MUC5B: variants seen among roughly 807,000 people sequenced by gnomAD.
MUC5B encodes mucin 5B, oligomeric mucus/gel-forming.
MUC5B carries 116 observed loss-of-function variants against 376.9 expected under a neutral mutation model. The ratio of observed to expected loss-of-function variants is 0.31; its 90% confidence interval spans 0.26 to 0.36. The LOEUF is 0.36. Among genes scored for constraint, MUC5B ranks in the 10% least tolerant of loss-of-function variants. The probability of loss-of-function intolerance (pLI) is 1.00; values close to 1 mark genes in which losing one functional copy is unlikely to be tolerated. For missense variants in MUC5B, 7,165 were observed against 7,769.9 expected, an observed-to-expected ratio of 0.92 and a Z score of 2.93; for synonymous variants, 3,517 against 3,390.9, an observed-to-expected ratio of 1.04 and a Z score of -1.29.
At chr11:1,226,573 G>T (rs780418910) in intron 3 of MUC5B, 42 bp from the exon 4 acceptor site, 2 of 1,579,816 alleles carry the variant, frequency 1.3e-6, no homozygotes, top group Admixed American at 1.8e-5. Flanking sequence ...TACCCCGTGG[G>T]GGGCTGGCAT....
At chr11:1,228,252 G>A (rs920827218) in intron 7 of MUC5B, among the ~76,000 whole-genome samples, 2 of 152,224 alleles carry the variant, frequency 1.3e-5, no homozygotes, top group Non-Finnish European at 2.9e-5. Flanking sequence ...GAACCTGCCG[G>A]GCTGCCCAGA....
chr11:1,223,375 G>A (rs765540396), intron 1 of MUC5B, 182 bp downstream of exon 1: 1 of 687,400 alleles, frequency 1.5e-6, no homozygotes, highest in South Asian at 1.5e-5. Context: ...CGGGCTCACA[G>A]TGTCAGGAAA....
In MUC5B at chr11:1,256,765, G is replaced by A; in HGVS notation, c.16231G>A (p.Ala5411Thr). 6.6e-7 allele frequency: 1 copy of A among 1,523,638 alleles called. No homozygotes were observed. The highest frequency in any genetic ancestry group is 8.8e-7 in the Non-Finnish European group (1 of 1,137,850). The allele number at this position is 1,523,638 out of a possible 1,614,324, so 94.4% of individuals were successfully genotyped here. A position where few individuals can be genotyped will look rare whatever the true frequency, so the allele number is the denominator to read the frequency against. The change falls in exon 39 of 49, where the codon GCC becomes ACC. Residue 5411 changes from alanine to threonine, a missense_variant. By Grantham distance (58) the Ala-to-Thr change is moderately conservative. Around this residue, in one of 31 missense-constraint regions of MUC5B, gnomAD observed 842 missense variants for 1,016.9 expected, o/e 0.83. Coordinates refer to ENST00000529681, the MANE Select transcript of MUC5B (RefSeq NM_002458.3). ...CGCACACATGGGCATCTGCGTGCAGGCCTGCCGTAAGCTCCGCCACCTGTG... is the reference window on the plus strand; with the variant it reads ...CGCACACATGGGCATCTGCGTGCAGACCTGCCGTAAGCTCCGCCACCTGTG... Reference protein sequence around the residue: ...FNAHMGICVQACPCVGPDGFP... With the variant: ...FNAHMGICVQTCPCVGPDGFP...
rs1192855732 is a variant in MUC5B at position 1,245,626 on chromosome 11, G to C, written c.8746G>C (p.Glu2916Gln). The change falls in exon 31 of 49, where the codon GAG becomes CAG. Residue 2916 changes from glutamate to glutamine, a missense_variant. Glu to Gln is a conservative substitution (Grantham distance 29). This residue lies in a region of MUC5B where 57 missense variants were observed against 167.2 expected (regional missense o/e 0.34). Coordinates refer to ENST00000529681, the MANE Select transcript of MUC5B (RefSeq NM_002458.3). The stretch of plus-strand genomic sequence containing the variant: ...CGTCTGTGAGCAGCCCCTGGGCCTC[G>C]AGTGCCGTGCCCAGGCCCAGCCTGG... ...GAVCEQPLGL[E>Q]CRAQAQPGVP... 3.1e-6 allele frequency: 5 copies of C among 1,594,390 alleles called. No homozygotes were observed. Among genetic ancestry groups the C allele is most frequent in the South Asian group, 1.1e-5 (1 of 90,018 alleles).
In MUC5B at chr11:1,255,281, C is replaced by T. The variant is rs746276790; in HGVS notation, c.15890+15C>T. On this transcript the variant is annotated intron_variant, in intron 36 of 48. Transcript: ENST00000529681. ...ATGCTGAGCCAGTGAGTCCTCCCCT[C>T]GGGGGTTGCAGGCCCTGGGGCGCCC... 5 of 1,509,028 alleles carry T rather than the reference C, an allele frequency of 3.3e-6. No homozygotes were observed. Among genetic ancestry groups the T allele is most frequent in the Non-Finnish European group, 3.6e-6 (4 of 1,121,606 alleles). 93.5% of individuals were successfully genotyped at this position (1,509,028 alleles called of 1,614,324 possible). A position where few individuals can be genotyped will look rare whatever the true frequency, so the allele number is the denominator to read the frequency against.
intron 25 of MUC5B, among the ~76,000 whole-genome samples, chr11:1,238,668 A>T (rs1862206620): frequency 6.6e-6 from 1 of 152,146 alleles, no homozygotes; most frequent in African/African-American, 2.4e-5. Context: ...ATATAGGTGG[A>T]CGAGGGCACA....
Position 1,251,115 on chromosome 11 carries a change from C to A in MUC5B, c.14235C>A (p.Ser4745=). The change falls in exon 31 of 49, where the codon TCC becomes TCA. Residue 4745 remains serine (S), a synonymous_variant. Transcript: ENST00000529681. The part of the protein sequence containing the change: ...LPVLTSTATK[S]TATSFTPIPS... The stretch of plus-strand genomic sequence containing the variant: ...TGCTGACAAGCACAGCCACAAAATC[C>A]ACAGCTACCAGCTTTACACCCATCC... 6.2e-7 allele frequency: 1 copy of A among 1,611,376 alleles called. No individual in the cohort carries two copies.
At position 1,250,589 on chromosome 11, in the gene MUC5B, C is replaced by T; in HGVS notation, c.13709C>T (p.Thr4570Ile). ...TCCACAGTGCTTACCGCCACGGCCACCACAACCGGGGCCACCGGCTCTGTG... is the reference window on the plus strand; with the variant it reads ...TCCACAGTGCTTACCGCCACGGCCATCACAACCGGGGCCACCGGCTCTGTG... ...HTSTVLTATA[T>I]TTGATGSVAT... is the part of the protein sequence containing the mutation. Residue 4570 changes from threonine to isoleucine, a missense_variant, in exon 31 of 49, where the codon ACC (threonine) becomes ATC (isoleucine). Coordinates refer to ENST00000529681, the MANE Select transcript of MUC5B (RefSeq NM_002458.3). 6.2e-7 allele frequency: 1 copy of T among 1,613,784 alleles called. No homozygotes were observed. Among genetic ancestry groups the T allele is most frequent in the Non-Finnish European group, 8.5e-7 (1 of 1,179,846 alleles).
In MUC5B at chr11:1,233,807, G is replaced by A. The variant is rs759182961; in HGVS notation, c.2336G>A (p.Gly779Glu). ...GTCTCTTGTAGTTCATGTACGGGTG[G>A]GAAGCTAAGCTGCCTGGGAGCCTCT... is the stretch of plus-strand genomic sequence containing the variant. ...DEGAVCSCTG[G>E]KLSCLGASLQ... The change falls in exon 19 of 49, where the codon GGG (glycine) becomes GAG (glutamate). Residue 779 changes from glycine to glutamate, a missense_variant. Gly to Glu is a moderately conservative substitution (Grantham distance 98, BLOSUM62 -2). Transcript: ENST00000529681. The A allele has an allele frequency of 2.5e-6, 4 of 1,605,820 alleles. No individual in the cohort carries two copies. The highest frequency in any genetic ancestry group is 2.7e-5 in the African/African-American group (2 of 74,904).
In MUC5B at chr11:1,241,953, C is replaced by G; in HGVS notation, c.5073C>G (p.Ser1691=). The G allele has an allele frequency of 1.2e-6, 2 of 1,605,622 alleles. No individual in the cohort carries two copies. The highest frequency in any genetic ancestry group is 2.2e-5 in the South Asian group (2 of 89,722). The change falls in exon 31 of 49, where the codon TCC becomes TCG. Residue 1691 remains serine, a synonymous_variant. Transcript: ENST00000529681. ...CCACTGTCCCAGGGGTGGCCACATC[C>G]ACCCTTCCAACACGCTCAGCCCTTC... ...TEPTVPGVAT[S]TLPTRSALPG...
chr11:1,233,674 C>T (rs1862086679), intron 18 of MUC5B, 119 bp from the exon 19 acceptor site: 6 of 954,294 alleles, frequency 6.3e-6, no homozygotes, highest in Non-Finnish European at 9.7e-6. Flanking sequence ...CACCGTCTGG[C>T]CTTACAAGGA....
Position 1,246,586 on chromosome 11 carries a change from A to C in MUC5B, c.9706A>C (p.Ser3236Arg), listed in dbSNP as rs1401175478. Residue 3236 changes from serine to arginine, a missense_variant, in exon 31 of 49, where the codon AGC becomes CGC. By Grantham distance (110) the Ser-to-Arg change is moderately radical. Transcript: ENST00000529681. ...CACAGCCACCACACCCACAGCTACCAGCGTTACAGCCATCCCCTCTTCCTC... is the reference window on the plus strand; with the variant it reads ...CACAGCCACCACACCCACAGCTACCCGCGTTACAGCCATCCCCTCTTCCTC... ...RSTATTPTAT[S>R]VTAIPSSSLG... 6.2e-7 allele frequency: 1 copy of C among 1,612,594 alleles called. No individual in the cohort carries two copies.
Position 1,249,646 on chromosome 11 carries a change from A to G in MUC5B, c.12766A>G (p.Thr4256Ala), listed in dbSNP as rs373639590. 7.6e-5 allele frequency: 122 copies of G among 1,605,316 alleles called. 1 individual carries two copies. In the East Asian group the frequency reaches 9.2e-4, roughly 12 times the overall value. The change falls in exon 31 of 49, where the codon ACA (threonine) becomes GCA (alanine). Residue 4256 changes from threonine to alanine, a missense_variant. Transcript: ENST00000529681. ...CTGGATCCTCACAGAGCTGACCACA[A>G]CAGCCACTACGACTGCATCCACTGG... Reference protein sequence around the residue: ...TTWILTELTTTATTTASTGST... With the variant: ...TTWILTELTTAATTTASTGST...
intron 48 of MUC5B, among the ~76,000 whole-genome samples, chr11:1,261,140 T>C (rs1427676248): frequency 1.3e-5 from 2 of 152,022 alleles, no homozygotes; most frequent in African/African-American, 4.8e-5. Context: ...GTCAGCAGGA[T>C]TGGAGGAGCT....
intron 13 of MUC5B, 115 bp from the exon 14 acceptor site, chr11:1,231,308 G>A: frequency 7.8e-7 from 1 of 1,287,180 alleles, no homozygotes; most frequent in Non-Finnish European, 1.0e-6. Flanking sequence ...GCCACTCCTG[G>A]GTCTCACTCC....
rs901836782 is a variant in MUC5B, at chr11:1,227,325, A to G, written c.594A>G (p.Lys198=). 3.1e-6 allele frequency: 5 copies of G among 1,612,736 alleles called. No individual in the cohort carries two copies. Among genetic ancestry groups the G allele is most frequent in the Non-Finnish European group, 3.4e-6 (4 of 1,179,760 alleles). Residue 198 remains lysine (K), a synonymous_variant, in exon 6 of 49, where the codon AAA becomes AAG. Coordinates refer to ENST00000529681, the MANE Select transcript of MUC5B (RefSeq NM_002458.3). Reference sequence around the variant, plus strand: ...ACTCTCAGCTGGAGCTGGATCCCAAATACGCCAACCAGACCTGTGGCCTGT... The same window carrying G: ...ACTCTCAGCTGGAGCTGGATCCCAAGTACGCCAACCAGACCTGTGGCCTGT... ...EDSALLELDP[K]YANQTCGLCG...
rs935931198 is a variant in MUC5B at position 1,234,591 on chromosome 11, G to C, written c.2541G>C (p.Gly847=). 1 of 1,574,806 alleles carries C rather than the reference G, an allele frequency of 6.3e-7. No individual in the cohort carries two copies. Among genetic ancestry groups the C allele is most frequent in the Non-Finnish European group, 8.6e-7 (1 of 1,161,072 alleles). The change falls in exon 21 of 49, where the codon GGG becomes GGC. Residue 847 remains glycine (G), a synonymous_variant. Coordinates refer to ENST00000529681, the MANE Select transcript of MUC5B (RefSeq NM_002458.3). The surrounding 1 kb of genome is among the most constrained non-coding windows in gnomAD (Gnocchi z 6.3). ...CPPGLVSDGS[G]GCIAEEDCPC... is the part of the protein sequence containing the mutation. ...CGGGGCTGGTGTCGGATGGGAGTGG[G>C]GGCTGCATTGCCGAGGAGGACTGCC...
intron 47 of MUC5B, 116 bp from the exon 48 acceptor site, chr11:1,260,510 C>A: frequency 6.8e-7 from 1 of 1,474,014 alleles, no homozygotes; most frequent in South Asian, 1.2e-5. Context: ...CAGACTCCAC[C>A]CTCGGTCCTG....
In MUC5B at chr11:1,251,001, A is replaced by G; in HGVS notation, c.14121A>G (p.Pro4707=). ...SSTPGTTPIT[P]VLTSTATTPA... ...CTCCAGGGACAACACCCATCACCCCAGTGCTGACCAGCACGGCCACCACAC... is the reference window on the plus strand; with the variant it reads ...CTCCAGGGACAACACCCATCACCCCGGTGCTGACCAGCACGGCCACCACAC... The change falls in exon 31 of 49, where the codon CCA becomes CCG. Residue 4707 remains proline, a synonymous_variant. Coordinates refer to ENST00000529681, the MANE Select transcript of MUC5B (RefSeq NM_002458.3). The G allele has an allele frequency of 6.2e-7, 1 of 1,610,164 alleles. No homozygotes were observed. The highest frequency in any genetic ancestry group is 1.1e-5 in the South Asian group (1 of 90,966).
Sources: gnomAD v4.1 joint callset for allele counts (sites outside exome capture counted in the v4.1 genomes callset) on GRCh38, gnomAD v4.1.1 for gene constraint, gnomAD v4.1.1 regional missense constraint, Gnocchi (gnomAD v3.1) non-coding constraint, MANE v1.5 for transcripts, NCBI Gene and HGNC (gene_info 2026-07-23, HGNC 2026-07-21) for gene names.